Variants in HTR7 observed in about 807,000 individuals in gnomAD.
The protein encoded by HTR7 is 5-hydroxytryptamine receptor 7, also known as 5-HT-7.
HTR7 carries 16 observed loss-of-function variants against 34.0 expected under a neutral mutation model. That is an observed-to-expected ratio of 0.47 (90% CI 0.32 to 0.71). HTR7 has a LOEUF of 0.71. Ranked by LOEUF, HTR7 falls within the 30% of genes least tolerant of loss-of-function variation. The pLI is 0.04. For synonymous variants in HTR7, 265 were observed against 260.2 expected, an observed-to-expected ratio of 1.02 and a Z score of -0.18; for missense variants, 504 against 625.5, an observed-to-expected ratio of 0.81 and a Z score of 2.07.
chr10:90,839,598 G>C (rs1199738198), intron 1 of HTR7, among the ~76,000 whole-genome samples: 4 of 152,102 alleles, frequency 2.6e-5, no homozygotes, highest in African/African-American at 9.7e-5. Flanking sequence ...TGGATAAATG[G>C]GTGAAATAAA....
rs1589431945 is a variant in HTR7, at chr10:90,743,463, A to T, written c.1393+130T>A. On this transcript the variant is annotated intron_variant, in intron 3 of 3. Coordinates refer to ENST00000336152, the MANE Select transcript of HTR7 (RefSeq NM_019859.4). Reference sequence around the variant, plus strand: ...ACAGACACATTCCTAGCCCAGGGCCACTGTCTCTTCCCAGCACAGGAGAGA... The same window carrying T: ...ACAGACACATTCCTAGCCCAGGGCCTCTGTCTCTTCCCAGCACAGGAGAGA... 4 of 745,858 alleles carry T rather than the reference A, an allele frequency of 5.4e-6. No homozygotes were observed. The East Asian group carries it at 1.0e-4, about 19-fold the overall frequency. The allele number at this position is 745,858 out of a possible 1,614,324, so 46.2% of individuals were successfully genotyped here.
rs961337178 is a variant in HTR7 at position 90,810,352 on chromosome 10, C to G, written c.539+46781G>C. On this transcript the variant is annotated intron_variant, in intron 1 of 3. Coordinates refer to ENST00000336152, the MANE Select transcript of HTR7 (RefSeq NM_019859.4). ...ATACTTCTACTCCCTTCTTGGTGAC[C>G]GATCATGCAACCCTTACCATCTCAT... Among the ~76,000 whole-genome samples, 3 of 152,176 alleles carry G rather than the reference C, an allele frequency of 2.0e-5. No individual in the cohort carries two copies. In the South Asian group the frequency reaches 6.2e-4, roughly 32 times the overall value.
Position 90,833,377 on chromosome 10 carries a change from G to T in HTR7, c.539+23756C>A, listed in dbSNP as rs142515882. On this transcript the variant is annotated intron_variant, in intron 1 of 3. Coordinates refer to ENST00000336152, the MANE Select transcript of HTR7 (RefSeq NM_019859.4). ...GTGAAGCTTAAGAGTTAAGGCACCA[G>T]CTCTGAAAGCAGACCCATGCTGGTT... Among the ~76,000 whole-genome samples the T allele has an allele frequency of 3.5e-3, 540 of 152,308 alleles. 11 individuals carry two copies. In the East Asian group the frequency reaches 0.044, roughly 12 times the overall value.
intron 1 of HTR7, among the ~76,000 whole-genome samples, chr10:90,787,552 T>G (rs1328046739): frequency 6.6e-6 from 1 of 152,120 alleles, no homozygotes; most frequent in Non-Finnish European, 1.5e-5. Flanking sequence ...TGGACTTACG[T>G]GCTGGTAGCT....
chr10:90,807,891 C>T (rs759716703), intron 1 of HTR7, among the ~76,000 whole-genome samples: 8 of 152,270 alleles, frequency 5.3e-5, no homozygotes, highest in Non-Finnish European at 1.2e-4. Flanking sequence ...ATCGAGTAAG[C>T]GGCCTCTTCT....
Position 90,858,012 on chromosome 10 carries a change from G to C in HTR7, c.-341C>G, listed in dbSNP as rs974173950. On this transcript the variant is annotated 5_prime_UTR_variant, in exon 1 of 4. Transcript: ENST00000336152. ...AGCTCGGCTGCGCCGAGAGCGCCCG[G>C]GCGGCAGCGGCAGAAGTTGCGGAGT... Among the ~76,000 whole-genome samples the C allele has an allele frequency of 6.7e-6, 1 of 149,056 alleles. No homozygotes were observed. The highest frequency in any genetic ancestry group is 1.9e-4 in the East Asian group (1 of 5,138).
At chr10:90,839,043 T>TA (rs766487842) in intron 1 of HTR7, among the ~76,000 whole-genome samples, 1 of 152,116 alleles carries the variant, frequency 6.6e-6, no homozygotes, top group Admixed American at 6.6e-5. Flanking sequence ...CAATAAATAT[T>TA]AAAAAAGCAA....
intron 1 of HTR7, among the ~76,000 whole-genome samples, chr10:90,831,603 T>C (rs992760527): frequency 4.6e-5 from 7 of 152,238 alleles, no homozygotes; most frequent in Non-Finnish European, 7.3e-5. Context: ...CGCAGCCTGC[T>C]TTTATTCTCT....
At chr10:90,818,731 G>C (rs1845934964) in intron 1 of HTR7, among the ~76,000 whole-genome samples, 1 of 152,068 alleles carries the variant, frequency 6.6e-6, no homozygotes, top group Non-Finnish European at 1.5e-5. Flanking sequence ...TAAACTTCTA[G>C]AGTTTAAAAG....
chr10:90,791,509 C>A (rs1845459091), intron 1 of HTR7, among the ~76,000 whole-genome samples: 1 of 151,860 alleles, frequency 6.6e-6, no homozygotes, highest in Non-Finnish European at 1.5e-5. Flanking sequence ...TGAAAATGTT[C>A]AAAAAAGATG....
At chr10:90,761,840 G>C (rs551280922) in intron 1 of HTR7, among the ~76,000 whole-genome samples, 1 of 152,098 alleles carries the variant, frequency 6.6e-6, no homozygotes, top group African/African-American at 2.4e-5. Context: ...CTCTCTTTCT[G>C]AGTTTGACTT....
intron 1 of HTR7, among the ~76,000 whole-genome samples, chr10:90,752,632 C>A (rs1844758421): frequency 6.6e-6 from 1 of 151,344 alleles, no homozygotes; most frequent in South Asian, 2.1e-4. Context: ...AAGTATAAAG[C>A]CACAGAAATA....
intron 2 of HTR7, among the ~76,000 whole-genome samples, chr10:90,747,384 C>T (rs1303213719): frequency 6.6e-6 from 1 of 152,156 alleles, no homozygotes; most frequent in Non-Finnish European, 1.5e-5. Context: ...GGTTTGCTTA[C>T]AGTACATGTT....
chr10:90,831,955 G>C (rs1049883219), intron 1 of HTR7, among the ~76,000 whole-genome samples: 2 of 152,186 alleles, frequency 1.3e-5, no homozygotes, highest in Non-Finnish European at 2.9e-5. Flanking sequence ...AGTGCCGATT[G>C]GCGCATTCAC....
intron 1 of HTR7, among the ~76,000 whole-genome samples, chr10:90,822,897 G>A (rs1564694255): frequency 6.6e-6 from 1 of 152,216 alleles, no homozygotes; most frequent in African/African-American, 2.4e-5. Context: ...GAGGGTGCAA[G>A]CCAGAAGCCA....
intron 1 of HTR7, among the ~76,000 whole-genome samples, chr10:90,777,727 T>G (rs1473861554): frequency 6.6e-6 from 1 of 152,194 alleles, no homozygotes; most frequent in Non-Finnish European, 1.5e-5. Context: ...AAAGCATTGC[T>G]ATCCTAAACA....
At chr10:90,787,025 A>C (rs557356679) in intron 1 of HTR7, among the ~76,000 whole-genome samples, 1 of 152,364 alleles carries the variant, frequency 6.6e-6, no homozygotes, top group South Asian at 2.1e-4. Context: ...ATCTAGAAGA[A>C]AGTGAGTAAA....
chr10:90,810,447 A>T (rs1845788216), intron 1 of HTR7, among the ~76,000 whole-genome samples: 1 of 152,142 alleles, frequency 6.6e-6, no homozygotes, highest in African/African-American at 2.4e-5. Flanking sequence ...AAAAGATTAA[A>T]GCCTGTTATC....
intron 1 of HTR7, among the ~76,000 whole-genome samples, chr10:90,764,160 T>A (rs1206093968): frequency 1.3e-5 from 2 of 152,160 alleles, no homozygotes; most frequent in African/African-American, 4.8e-5. Context: ...TCTGACTGGC[T>A]GGAGATGGTA....
Sources: allele counts gnomAD v4.1 joint callset (sites outside exome capture counted in the v4.1 genomes callset), GRCh38; gene constraint gnomAD v4.1.1; transcripts MANE v1.5; gene names NCBI Gene and HGNC (gene_info 2026-07-23, HGNC 2026-07-21).